The following POU2F2 variants were observed in gnomAD, a reference collection of about 807,000 sequenced individuals.
The protein encoded by POU2F2 is POU domain, class 2, transcription factor 2.
In POU2F2, 14 loss-of-function variants were observed where a neutral mutation model predicts 63.5. The ratio of observed to expected loss-of-function variants is 0.22; its 90% confidence interval spans 0.15 to 0.34. POU2F2 has a LOEUF of 0.34. Ranked by LOEUF, POU2F2 falls within the 10% of genes least tolerant of loss-of-function variation. The pLI is 1.00. For missense variants in POU2F2, 607 were observed against 815.2 expected, an observed-to-expected ratio of 0.74 and a Z score of 3.11; for synonymous variants, 306 against 348.6, an observed-to-expected ratio of 0.88 and a Z score of 1.36.
In POU2F2 at chr19:42,153,830, C is replaced by T. The variant is rs111260167; in HGVS notation, c.-9+6502G>A. 0.016 allele frequency among the ~76,000 whole-genome samples: 2,500 copies of T among 152,076 alleles called. 34 individuals are homozygous for T. Among genetic ancestry groups the T allele is most frequent in the Non-Finnish European group, 0.025 (1,707 of 67,960 alleles). The stretch of plus-strand genomic sequence containing the variant: ...TGAGTCTCTGAGTGGGGGAGGGTGG[C>T]GAGGCAGCAGGGGCTGCCACGGAGA... On this transcript the variant is annotated intron_variant, in intron 2 of 6. Coordinates refer to the POU2F2 transcript ENST00000524801. The surrounding 1 kb of genome is among the most constrained non-coding windows in gnomAD (Gnocchi z 5.6).
At chr19:42,108,727 G>A (rs2030565089) in intron 5 of POU2F2, among the ~76,000 whole-genome samples, 1 of 152,226 alleles carries the variant, frequency 6.6e-6, no homozygotes. Flanking sequence ...AGCCACTTGA[G>A]GGCGTGTTAC....
At chr19:42,099,503 G>C (rs762248454) in intron 7 of POU2F2, 24 bp downstream of exon 7, 2 of 1,575,650 alleles carry the variant, frequency 1.3e-6, no homozygotes, top group Non-Finnish European at 1.7e-6. Context: ...GGCCTGGCCT[G>C]GTGCACTCAA....
intron 1 of POU2F2, among the ~76,000 whole-genome samples, chr19:42,195,919 A>C (rs1173047493): frequency 6.6e-6 from 1 of 151,824 alleles, no homozygotes; most frequent in African/African-American, 2.4e-5. Context: ...AGTTGGGATT[A>C]CAGGCATGTG....
upstream of POU2F2, among the ~76,000 whole-genome samples, chr19:42,196,788 T>C (rs184058199): frequency 3.4e-3 from 519 of 152,386 alleles, 5 homozygotes; most frequent in African/African-American, 0.012. Context: ...CGCGAGCCTC[T>C]GCCTCATGGT....
rs558599232 is a variant in POU2F2, at chr19:42,152,413, C to T, written c.-9+7919G>A. Among the ~76,000 whole-genome samples the T allele has an allele frequency of 8.8e-4, 134 of 152,128 alleles. No homozygotes were observed. The highest frequency in any genetic ancestry group is 2.7e-3 in the African/African-American group (112 of 41,486). ...CGAGGACTATAGGGGTCCCGGCTGC[C>T]CTCCCCCAAACCTCCCCTCCCTTCT... On this transcript the variant is annotated intron_variant, in intron 2 of 6. Coordinates refer to the POU2F2 transcript ENST00000524801. This position sits in a 1 kb window ranked among gnomAD's most constrained non-coding sequence, Gnocchi z 4.1.
At chr19:42,178,857 A>C (rs2034927595), upstream of POU2F2, among the ~76,000 whole-genome samples, 2 of 152,196 alleles carry the variant, frequency 1.3e-5, no homozygotes, top group Admixed American at 1.3e-4. Flanking sequence ...AAGAAAGCAA[A>C]GACAGAGACC....
chr19:42,115,468 G>C (rs1372014032), intron 5 of POU2F2, among the ~76,000 whole-genome samples: 1 of 152,224 alleles, frequency 6.6e-6, no homozygotes, highest in African/African-American at 2.4e-5. Flanking sequence ...GAAACGCCAG[G>C]CTAAGGGAAG....
rs762872121 is a variant in POU2F2 at position 42,091,328 on chromosome 19, TGGAGGA to T, written c.1798_1803del (p.Ser600_Ser601del). On this transcript the variant is annotated inframe_deletion, in exon 15 of 15. Coordinates refer to ENST00000692977, the MANE Select transcript of POU2F2 (RefSeq NM_001394376.1). Reference sequence around the variant, plus strand: ...GTCTGTGCTGCCGTCTCGCTGCAAGTGGAGGAGGAGGAGGATGAGGATGAAGAGGAT... The same window carrying T: ...GTCTGTGCTGCCGTCTCGCTGCAAGTGGAGGAGGATGAGGATGAAGAGGAT... 1.3e-6 allele frequency: 2 copies of T among 1,533,690 alleles called. No individual in the cohort carries two copies. The highest frequency in any genetic ancestry group is 1.2e-5 in the South Asian group (1 of 83,928).
At chr19:42,195,778 CCTGT>C (rs771269167) in intron 1 of POU2F2, among the ~76,000 whole-genome samples, 15 of 138,416 alleles carry the variant, frequency 1.1e-4, no homozygotes, top group Admixed American at 4.3e-4. Context: ...CCCTCCCCTT[CCTGT>C]CTTTTTTTTT....
At chr19:42,196,888 C>A (rs533242678), upstream of POU2F2, among the ~76,000 whole-genome samples, 3 of 152,348 alleles carry the variant, frequency 2.0e-5, no homozygotes, top group South Asian at 4.1e-4. Context: ...GCCAGAGGCA[C>A]GTCTGGGGCT....
intron 1 of POU2F2, among the ~76,000 whole-genome samples, chr19:42,174,963 G>C (rs1300854748): frequency 1.3e-5 from 2 of 152,138 alleles, no homozygotes; most frequent in African/African-American, 4.8e-5. Context: ...TGGTCATCAG[G>C]CCAAAGGCTT....
At position 42,162,202 on chromosome 19, in the gene POU2F2, C is replaced by G. The variant is rs979185786; in HGVS notation, c.-69-1810G>C. On this transcript the variant is annotated intron_variant, in intron 1 of 6. Coordinates refer to the POU2F2 transcript ENST00000524801. This position sits in a 1 kb window ranked among gnomAD's most constrained non-coding sequence, Gnocchi z 4.1. ...CACACTTGAGTCTCCCTGCCCTCTG[C>G]TACCTGGGGCTGTGGTGCCCATAGG... Among the ~76,000 whole-genome samples, 2 of 152,148 alleles carry G rather than the reference C, an allele frequency of 1.3e-5. No homozygotes were observed. Among genetic ancestry groups the G allele is most frequent in the African/African-American group, 4.8e-5 (2 of 41,432 alleles).
chr19:42,147,535 T>C (rs1012208487), intron 2 of POU2F2, among the ~76,000 whole-genome samples: 8 of 152,236 alleles, frequency 5.3e-5, no homozygotes, highest in African/African-American at 1.9e-4. Flanking sequence ...ATGCTGGTTC[T>C]GCTGCCTGCT....
In POU2F2 at chr19:42,099,944, G is replaced by T. The variant is rs914372641; in HGVS notation, c.370-123C>A. On this transcript the variant is annotated intron_variant, in intron 5 of 14. Transcript: ENST00000692977. ...CTGCTCCACATGGCGATCTGGCACT[G>T]GGCAGTGAGGGATCGTCCACTCGGT... 3 of 739,388 alleles carry T rather than the reference G, an allele frequency of 4.1e-6. No individual in the cohort carries two copies. The African/African-American group carries it at 5.2e-5, about 13-fold the overall frequency. 45.8% of individuals were successfully genotyped at this position (739,388 alleles called of 1,614,324 possible).
intron 5 of POU2F2, among the ~76,000 whole-genome samples, chr19:42,111,738 G>A (rs1274205805): frequency 1.3e-5 from 2 of 152,104 alleles, no homozygotes; most frequent in Non-Finnish European, 2.9e-5. Context: ...CCTGGCTCAA[G>A]CCACCCTCAT....
At chr19:42,187,535 G>A (rs2035026108) in intron 1 of POU2F2, among the ~76,000 whole-genome samples, 1 of 151,540 alleles carries the variant, frequency 6.6e-6, no homozygotes, top group Non-Finnish European at 1.5e-5. Flanking sequence ...GCCAAGGCAG[G>A]CAGATCACCT....
At chr19:42,163,085 T>C (rs963287905) in intron 1 of POU2F2, among the ~76,000 whole-genome samples, 5 of 152,004 alleles carry the variant, frequency 3.3e-5, no homozygotes, top group South Asian at 2.1e-4. Context: ...CTCTATCTGA[T>C]TGGACTCCGA....
At chr19:42,173,538 T>G in intron 1 of POU2F2, among the ~76,000 whole-genome samples, 1 of 143,262 alleles carries the variant, frequency 7.0e-6, no homozygotes, top group African/African-American at 2.6e-5. Context: ...TGGCCTGGAG[T>G]GGCCACTGAC....
At chr19:42,149,160 C>T (rs1275980035) in intron 2 of POU2F2, among the ~76,000 whole-genome samples, 1 of 152,130 alleles carries the variant, frequency 6.6e-6, no homozygotes, top group Non-Finnish European at 1.5e-5. Context: ...GAGTAGCTCG[C>T]TTTTCAGGGG....
Sources: allele counts gnomAD v4.1 joint callset (sites outside exome capture counted in the v4.1 genomes callset), GRCh38; gene constraint gnomAD v4.1.1; non-coding constraint Gnocchi (gnomAD v3.1); transcripts MANE v1.5; gene names NCBI Gene and HGNC (gene_info 2026-07-23, HGNC 2026-07-21).